GLRA3: variants seen among roughly 807,000 people sequenced by gnomAD.
GLRA3 encodes glycine receptor alpha 3, also known as glycine receptor subunit alpha-3.
GLRA3 carries 44 observed loss-of-function variants against 60.4 expected under a neutral mutation model. The ratio of observed to expected loss-of-function variants is 0.73; its 90% CI spans 0.57 to 0.94. The LOEUF (loss-of-function observed/expected upper bound fraction) is 0.94, where lower values mean the gene tolerates loss of function less well. GLRA3 is among the 40% of genes least tolerant of loss of function. The pLI, the probability that GLRA3 is intolerant of heterozygous loss-of-function variation, is 0.00. For synonymous variants in GLRA3, 223 were observed against 192.9 expected, an observed-to-expected ratio of 1.16 and a Z score of -1.29; for missense variants, 508 against 564.6, an observed-to-expected ratio of 0.90 and a Z score of 1.02.
chr4:174,739,177 A>T (rs1312000217), intron 3 of GLRA3, among the ~76,000 whole-genome samples: 1 of 152,254 alleles, frequency 6.6e-6, no homozygotes, highest in African/African-American at 2.4e-5. Flanking sequence ...AACTTAAAAC[A>T]TGTTCCCTTG....
intron 3 of GLRA3, among the ~76,000 whole-genome samples, chr4:174,743,427 T>C (rs970001487): frequency 3.9e-5 from 6 of 152,146 alleles, no homozygotes; most frequent in Admixed American, 3.9e-4. Flanking sequence ...GTCTTTCATA[T>C]CCTTAACACT....
At chr4:174,800,815 C>A (rs1234085351) in intron 1 of GLRA3, among the ~76,000 whole-genome samples, 2 of 151,990 alleles carry the variant, frequency 1.3e-5, no homozygotes, top group Non-Finnish European at 2.9e-5. Flanking sequence ...ATTCAACTTA[C>A]TATTTTTTGA....
At chr4:174,822,072 A>G (rs538057305) in intron 1 of GLRA3, among the ~76,000 whole-genome samples, 1 of 152,314 alleles carries the variant, frequency 6.6e-6, no homozygotes, top group African/African-American at 2.4e-5. Flanking sequence ...ATTTAGATAC[A>G]CAGAGACAAC....
intron 3 of GLRA3, among the ~76,000 whole-genome samples, chr4:174,741,373 G>A (rs1032029991): frequency 1.1e-4 from 17 of 152,104 alleles, no homozygotes; most frequent in Non-Finnish European, 2.4e-4. Context: ...TTTGCAATGC[G>A]TATATCTTTT....
intron 1 of GLRA3, among the ~76,000 whole-genome samples, chr4:174,796,041 T>C (rs1401241011): frequency 6.6e-6 from 1 of 152,188 alleles, no homozygotes; most frequent in Non-Finnish European, 1.5e-5. Flanking sequence ...GCCATGAATT[T>C]TGGACTCCCC....
intron 2 of GLRA3, 77 bp downstream of exon 2, chr4:174,788,739 G>A: frequency 1.1e-6 from 1 of 917,328 alleles, no homozygotes; most frequent in East Asian, 2.9e-5. Flanking sequence ...TAGAATTTCT[G>A]GTGGAATTAA....
intron 2 of GLRA3, among the ~76,000 whole-genome samples, chr4:174,787,659 A>G (rs937701033): frequency 3.4e-5 from 5 of 149,064 alleles, no homozygotes; most frequent in African/African-American, 9.9e-5. Flanking sequence ...TGTAAGCTGT[A>G]CTATTTTTGT....
chr4:174,786,403 G>A (rs1739131907), intron 2 of GLRA3, among the ~76,000 whole-genome samples: 2 of 152,076 alleles, frequency 1.3e-5, no homozygotes, highest in African/African-American at 4.8e-5. Flanking sequence ...CTGAGGTGAG[G>A]TGGGCCCCTA....
At chr4:174,647,879 T>C (rs1341114001) in intron 9 of GLRA3, among the ~76,000 whole-genome samples, 1 of 152,210 alleles carries the variant, frequency 6.6e-6, no homozygotes, top group Non-Finnish European at 1.5e-5. Context: ...AAATTTCTAG[T>C]GCTCAATAAC....
At chr4:174,653,626 G>C (rs936475498) in intron 9 of GLRA3, among the ~76,000 whole-genome samples, 1 of 151,738 alleles carries the variant, frequency 6.6e-6, no homozygotes, top group Non-Finnish European at 1.5e-5. Flanking sequence ...ATATTATAGA[G>C]GACGGATAAG....
Position 174,640,782 on chromosome 4 carries a change from A to G in GLRA3, c.*3004T>C, listed in dbSNP as rs1732606611. On this transcript the variant is annotated 3_prime_UTR_variant, in exon 10 of 10. Coordinates refer to ENST00000274093, the MANE Select transcript of GLRA3 (RefSeq NM_006529.4). ...CCAAATTAAGATAAAAGTTATTAGA[A>G]TATATCAACAGAATAAGAATTAATT... 1 of 152,104 alleles carries G rather than the reference A, an allele frequency of 6.6e-6. No individual in the cohort carries two copies. Among genetic ancestry groups the G allele is most frequent in the South Asian group, 2.1e-4 (1 of 4,834 alleles). 9.4% of individuals were successfully genotyped at this position (152,104 alleles called of 1,614,324 possible).
intron 5 of GLRA3, among the ~76,000 whole-genome samples, chr4:174,687,645 G>A (rs1384535941): frequency 6.6e-6 from 1 of 152,150 alleles, no homozygotes; most frequent in Non-Finnish European, 1.5e-5. Context: ...GAACTTTGAA[G>A]TCAAAATTGG....
chr4:174,646,800 G>A (rs1285432671), intron 9 of GLRA3, among the ~76,000 whole-genome samples: 1 of 152,126 alleles, frequency 6.6e-6, no homozygotes, highest in African/African-American at 2.4e-5. Flanking sequence ...TAAAGCCTAT[G>A]GGTGTTCTGA....
At chr4:174,658,025 G>A (rs960896794) in intron 8 of GLRA3, among the ~76,000 whole-genome samples, 2 of 152,054 alleles carry the variant, frequency 1.3e-5, no homozygotes, top group Admixed American at 6.6e-5. Context: ...AGAGGTCAAA[G>A]CTTAGTGCTT....
chr4:174,694,917 A>G (rs1238783641), intron 5 of GLRA3, among the ~76,000 whole-genome samples: 2 of 152,136 alleles, frequency 1.3e-5, no homozygotes, highest in Non-Finnish European at 2.9e-5. Context: ...CACAGAAATG[A>G]AAACAACCAT....
At chr4:174,659,253 G>A in intron 7 of GLRA3, 56 bp from the exon 8 acceptor site, 1 of 1,358,714 alleles carries the variant, frequency 7.4e-7, no homozygotes, top group Non-Finnish European at 1.0e-6. Context: ...TACTTCCTTT[G>A]AGAACAAAAC....
chr4:174,730,498 T>A (rs1736510712), intron 3 of GLRA3, among the ~76,000 whole-genome samples: 2 of 152,220 alleles, frequency 1.3e-5, no homozygotes, highest in Admixed American at 6.5e-5. Context: ...TTTGAAGCAC[T>A]TTTGCTGTAA....
chr4:174,676,998 T>C (rs116414267), intron 7 of GLRA3, 80 bp downstream of exon 7: 2 of 828,750 alleles, frequency 2.4e-6, no homozygotes, highest in Non-Finnish European at 4.0e-6. Context: ...GAAAAATATC[T>C]GACCAAAGCT....
chr4:174,733,554 T>A (rs1736643614), intron 3 of GLRA3, among the ~76,000 whole-genome samples: 1 of 152,176 alleles, frequency 6.6e-6, no homozygotes, highest in Admixed American at 6.5e-5. Context: ...CAGAAGACAG[T>A]GTTCCTGTGC....
Sources: gnomAD v4.1 joint callset for allele counts (sites outside exome capture counted in the v4.1 genomes callset) on GRCh38, gnomAD v4.1.1 for gene constraint, MANE v1.5 for transcripts, NCBI Gene and HGNC (gene_info 2026-07-23, HGNC 2026-07-21) for gene names.